Variants in RASA1 observed in about 807,000 individuals in gnomAD.
RASA1 encodes ras GTPase-activating protein 1.
Under a neutral mutation model 132.2 loss-of-function variants are expected in RASA1, and 25 were observed. The observed-to-expected ratio is 0.19, with a 90% CI of 0.14 to 0.26. The LOEUF is 0.26. Among genes scored for constraint, RASA1 ranks in the 10% least tolerant of loss-of-function variants. RASA1 has a pLI of 1.00. For synonymous variants in RASA1, 477 were observed against 449.9 expected, an observed-to-expected ratio of 1.06 and a Z score of -0.76; for missense variants, 964 against 1,299.2, an observed-to-expected ratio of 0.74 and a Z score of 3.97.
At chr5:87,358,962 A>G (rs1170926611) in intron 9 of RASA1, among the ~76,000 whole-genome samples, 2 of 152,140 alleles carry the variant, frequency 1.3e-5, no homozygotes, top group Non-Finnish European at 1.5e-5. Context: ...CACTTTACCT[A>G]GACACCTTAA....
intron 1 of RASA1, among the ~76,000 whole-genome samples, chr5:87,310,498 C>T (rs752681566): frequency 1.3e-5 from 2 of 152,116 alleles, no homozygotes; most frequent in Admixed American, 1.3e-4. Context: ...CAAAAATTTA[C>T]AACTAATGGA....
At chr5:87,334,908 G>C (rs569521897) in intron 4 of RASA1, among the ~76,000 whole-genome samples, 1 of 151,768 alleles carries the variant, frequency 6.6e-6, no homozygotes, top group East Asian at 1.9e-4. Context: ...TTTTGAGACA[G>C]AATCTTGCTC....
At chr5:87,272,270 TTGTTCA>T (rs1753878448) in intron 1 of RASA1, among the ~76,000 whole-genome samples, 2 of 152,308 alleles carry the variant, frequency 1.3e-5, no homozygotes, top group South Asian at 2.1e-4. Context: ...TATATGAAAC[TTGTTCA>T]TGTTCTAAAA....
chr5:87,382,979 ACTACT>A (rs908432803), intron 20 of RASA1, among the ~76,000 whole-genome samples: 23 of 151,982 alleles, frequency 1.5e-4, no homozygotes, highest in African/African-American at 5.3e-4. Flanking sequence ...TGTAGTCCTA[ACTACT>A]CTAAGCCTGA....
At chr5:87,320,763 G>A (rs770273380) in intron 1 of RASA1, among the ~76,000 whole-genome samples, 20 of 152,172 alleles carry the variant, frequency 1.3e-4, no homozygotes, top group Non-Finnish European at 2.4e-4. Flanking sequence ...AGTTAAAGGG[G>A]ATTAAAAATG....
Position 87,346,684 on chromosome 5 carries a change from G to T in RASA1, c.1062G>T (p.Gly354=). The T allele has an allele frequency of 6.4e-7, 1 of 1,553,600 alleles. No individual in the cohort carries two copies. The highest frequency in any genetic ancestry group is 8.9e-7 in the Non-Finnish European group (1 of 1,127,622). ...TTCTCTTTTTAAGATGGTTCCATGG[G>T]AAGATTTCCAAACAGGAAGCTTATA... is the stretch of plus-strand genomic sequence containing the variant. ...DPHEGKIWFH[G]KISKQEAYNL... Residue 354 remains glycine (G), a synonymous_variant, in exon 7 of 25, where the codon GGG becomes GGT. Transcript: ENST00000274376.
intron 9 of RASA1, among the ~76,000 whole-genome samples, chr5:87,358,036 G>A (rs1759785770): frequency 6.6e-6 from 1 of 152,052 alleles, no homozygotes; most frequent in Non-Finnish European, 1.5e-5. Context: ...CTTCAAGCAG[G>A]GTTTTAACTA....
intron 1 of RASA1, among the ~76,000 whole-genome samples, chr5:87,299,364 A>C (rs960848379): frequency 8.0e-4 from 122 of 152,308 alleles, no homozygotes; most frequent in African/African-American, 2.9e-3. Flanking sequence ...CTTTTAGTGA[A>C]TCACTATATT....
intron 1 of RASA1, among the ~76,000 whole-genome samples, chr5:87,304,659 G>A (rs1254456562): frequency 2.0e-5 from 3 of 151,974 alleles, no homozygotes; most frequent in Non-Finnish European, 4.4e-5. Context: ...GTAGAGATGA[G>A]GTTTCACCAT....
Position 87,374,240 on chromosome 5 carries a change from C to A in RASA1, c.1854C>A (p.Ile618=). The A allele has an allele frequency of 6.3e-7, 1 of 1,596,782 alleles. No homozygotes were observed. Among genetic ancestry groups the A allele is most frequent in the Non-Finnish European group, 8.5e-7 (1 of 1,170,030 alleles). ...ATTTTACTAATCCATATTGTAACAT[C>A]TACCTGAATAGTGTCCAAGTAGCAA... is the stretch of plus-strand genomic sequence containing the variant. ...VKHFTNPYCN[I]YLNSVQVAKT... is the part of the protein sequence containing the mutation. The change falls in exon 14 of 25, where the codon ATC becomes ATA. Residue 618 remains isoleucine, a synonymous_variant. Transcript: ENST00000274376.
intron 11 of RASA1, among the ~76,000 whole-genome samples, chr5:87,365,535 A>G (rs1362814682): frequency 3.9e-5 from 6 of 152,094 alleles, no homozygotes; most frequent in African/African-American, 1.2e-4. Flanking sequence ...AATTGTTTTA[A>G]TTATCGTAAA....
Position 87,383,710 on chromosome 5 carries a change from C to CT in RASA1, c.2691-3_2691-2insT, listed in dbSNP as rs1761884807. 6.2e-7 allele frequency: 1 copy of CT among 1,601,278 alleles called. No homozygotes were observed. The highest frequency in any genetic ancestry group is 8.5e-7 in the Non-Finnish European group (1 of 1,173,418). On this transcript the variant is annotated splice_polypyrimidine_tract_variant and splice_region_variant and intron_variant, in intron 20 of 24. Transcript: ENST00000274376. Reference sequence around the variant, plus strand: ...AAAAAAAAAAAATTTCCCTCCCATTCAGTGGTTTTGTTTTTCTTCGACTCA... The same window carrying CT: ...AAAAAAAAAAAATTTCCCTCCCATTCTAGTGGTTTTGTTTTTCTTCGACTCA...
chr5:87,300,278 G>A (rs1397906197), intron 1 of RASA1, among the ~76,000 whole-genome samples: 2 of 152,150 alleles, frequency 1.3e-5, no homozygotes, highest in African/African-American at 4.8e-5. Flanking sequence ...TTGGGAGGCT[G>A]GGGTAGGAAG....
At position 87,298,361 on chromosome 5, in the gene RASA1, A is replaced by C. The variant is rs749339085; in HGVS notation, c.539+29371A>C. Among the ~76,000 whole-genome samples, 5 of 150,558 alleles carry C rather than the reference A, an allele frequency of 3.3e-5. No individual in the cohort carries two copies. In the East Asian group the frequency reaches 7.8e-4, roughly 24 times the overall value. ...GAGGCGGAGCTTGCAGTGAGCCTAG[A>C]TCGTACATGCCACTGCACTCCAGCC... On this transcript the variant is annotated intron_variant, in intron 1 of 24. Coordinates refer to ENST00000274376, the MANE Select transcript of RASA1 (RefSeq NM_002890.3).
At chr5:87,293,769 A>T (rs1479644910) in intron 1 of RASA1, among the ~76,000 whole-genome samples, 2 of 151,356 alleles carry the variant, frequency 1.3e-5, no homozygotes, top group African/African-American at 2.4e-5. Context: ...TCTATTCAAG[A>T]TTTTTTTTTC....
At chr5:87,365,765 A>AT (rs944978349) in intron 11 of RASA1, among the ~76,000 whole-genome samples, 7 of 151,648 alleles carry the variant, frequency 4.6e-5, no homozygotes, top group East Asian at 3.9e-4. Context: ...TAATTGCTAA[A>AT]TTTTTTTTTA....
chr5:87,389,312 CAA>C (rs764673176), intron 23 of RASA1, 79 bp from the exon 24 acceptor site: 14 of 1,558,442 alleles, frequency 9.0e-6, no homozygotes, highest in Admixed American at 3.4e-5. Context: ...GCCTGGGCAA[CAA>C]GAGCGAAACT....
At chr5:87,349,180 A>G in intron 7 of RASA1, 34 bp from the exon 8 acceptor site, 1 of 1,606,880 alleles carries the variant, frequency 6.2e-7, no homozygotes, top group South Asian at 1.1e-5. Flanking sequence ...TTTATTTGAT[A>G]ATTAGGGAAA....
At chr5:87,312,289 G>T (rs1356877430) in intron 1 of RASA1, among the ~76,000 whole-genome samples, 1 of 152,164 alleles carries the variant, frequency 6.6e-6, no homozygotes, top group Non-Finnish European at 1.5e-5. Flanking sequence ...TGCAGAAACA[G>T]ATAAGGAAAT....
Sources: allele counts gnomAD v4.1 joint callset (sites outside exome capture counted in the v4.1 genomes callset), GRCh38; gene constraint gnomAD v4.1.1; transcripts MANE v1.5; gene names NCBI Gene and HGNC (gene_info 2026-07-23, HGNC 2026-07-21).